CLIP2: variants seen among roughly 807,000 people sequenced by gnomAD.
The protein encoded by CLIP2 is CAP-Gly domain containing linker protein 2.
CLIP2 carries 41 observed loss-of-function variants against 111.7 expected under a neutral mutation model. The ratio of observed to expected loss-of-function variants is 0.37; its 90% confidence interval spans 0.29 to 0.48. CLIP2 has a LOEUF of 0.48. Among genes scored for constraint, CLIP2 ranks in the 20% least tolerant of loss-of-function variants. The pLI, the probability that CLIP2 is intolerant of heterozygous loss-of-function variation, is 0.99. For missense variants in CLIP2, 1,160 were observed against 1,422.1 expected (o/e 0.82, Z 2.96); for synonymous variants, 660 against 644.2 (o/e 1.02, Z -0.37).
At chr7:74,321,935 T>G (rs1554730085) in intron 2 of CLIP2, among the ~76,000 whole-genome samples, 1 of 151,314 alleles carries the variant, frequency 6.6e-6, no homozygotes, top group Non-Finnish European at 1.5e-5. Context: ...CCCAGACAGG[T>G]GTACCCTATT....
At chr7:74,344,106 C>T (rs111830777) in intron 3 of CLIP2, among the ~76,000 whole-genome samples, 122 of 152,222 alleles carry the variant, frequency 8.0e-4, no homozygotes, top group African/African-American at 2.7e-3. Context: ...TAGGTTTAAC[C>T]CTAGTTTGAT....
chr7:74,301,933 G>C (rs999771125), intron 1 of CLIP2, among the ~76,000 whole-genome samples: 2 of 151,446 alleles, frequency 1.3e-5, no homozygotes, highest in South Asian at 4.2e-4. Flanking sequence ...GGCTGGTCTC[G>C]AACTGCTGGC....
At chr7:74,329,327 G>T (rs1554731014) in intron 2 of CLIP2, among the ~76,000 whole-genome samples, 1 of 151,938 alleles carries the variant, frequency 6.6e-6, no homozygotes, top group Non-Finnish European at 1.5e-5. Flanking sequence ...TAACAGACAT[G>T]AGCCACCACA....
chr7:74,376,204 G>A lies in CLIP2; in HGVS notation c.1803G>A (p.Gln601=), dbSNP rs782718848. 1 of 1,612,762 alleles carries A rather than the reference G, an allele frequency of 6.2e-7. No individual in the cohort carries two copies. The highest frequency in any genetic ancestry group is 8.5e-7 in the Non-Finnish European group (1 of 1,179,514). ...CGGGCCTGAAGGACAAGGTTCAGCA[G>A]GCCACCAGCGAGAACATGGGGCTAA... ...EVAGLKDKVQ[Q]ATSENMGLMD... is the part of the protein sequence containing the mutation. The change falls in exon 10 of 17, where the codon CAG becomes CAA. Residue 601 remains glutamine, a synonymous_variant. Transcript: ENST00000223398. The surrounding 1 kb of genome is among the most constrained non-coding windows in gnomAD (Gnocchi z 7.1).
intron 1 of CLIP2, among the ~76,000 whole-genome samples, chr7:74,293,985 C>T (rs1246998312): frequency 1.3e-5 from 2 of 151,638 alleles, no homozygotes; most frequent in African/African-American, 4.8e-5. Flanking sequence ...GGCATGATCT[C>T]AGCTCACCAC....
intron 14 of CLIP2, 129 bp downstream of exon 14, chr7:74,397,362 G>A: frequency 9.6e-7 from 1 of 1,041,910 alleles, no homozygotes; most frequent in Non-Finnish European, 1.4e-6. Flanking sequence ...TCATGGTGAG[G>A]ATTTGAAATC....
intron 2 of CLIP2, among the ~76,000 whole-genome samples, chr7:74,325,196 A>G (rs1789076418): frequency 6.6e-6 from 1 of 152,172 alleles, no homozygotes; most frequent in South Asian, 2.1e-4. Context: ...GAGGGCCTGT[A>G]TCCTCAGAGC....
intron 11 of CLIP2, among the ~76,000 whole-genome samples, chr7:74,381,291 C>T (rs887346618): frequency 2.6e-5 from 4 of 152,074 alleles, no homozygotes; most frequent in Admixed American, 1.3e-4. Context: ...CTGGTTCAAG[C>T]GATTCTCCTG....
intron 2 of CLIP2, among the ~76,000 whole-genome samples, chr7:74,330,635 A>G (rs1789253837): frequency 6.6e-6 from 1 of 151,944 alleles, no homozygotes; most frequent in South Asian, 2.1e-4. Context: ...CCTGTGCTGG[A>G]TGTCGGGATG....
At chr7:74,371,366 T>G (rs1195390409) in intron 8 of CLIP2, among the ~76,000 whole-genome samples, 2 of 150,170 alleles carry the variant, frequency 1.3e-5, no homozygotes, top group African/African-American at 4.9e-5. Flanking sequence ...ACCAGTTCAG[T>G]GTGTAGGATC....
intron 1 of CLIP2, among the ~76,000 whole-genome samples, chr7:74,308,698 T>C (rs1584312806): frequency 6.6e-6 from 1 of 151,886 alleles, no homozygotes; most frequent in East Asian, 1.9e-4. Context: ...AGAGACAGGG[T>C]TTCACCACGT....
chr7:74,307,257 G>A (rs1307394947), intron 1 of CLIP2, among the ~76,000 whole-genome samples: 1 of 152,196 alleles, frequency 6.6e-6, no homozygotes, highest in Admixed American at 6.6e-5. Flanking sequence ...GTCCCCAGAG[G>A]CCAGGGGGCT....
At chr7:74,333,289 T>G (rs1397120900) in intron 2 of CLIP2, among the ~76,000 whole-genome samples, 1 of 151,826 alleles carries the variant, frequency 6.6e-6, no homozygotes, top group Admixed American at 6.6e-5. Flanking sequence ...GCTTAAGCGA[T>G]TCTCCTGCCT....
At position 74,291,236 on chromosome 7, in the gene CLIP2, G is replaced by A. The variant is rs1554725326; in HGVS notation, c.-68+1502G>A. ...AAAGGCAGAAGAGGCAGGTGGAGGCGCCTGGGAGGAGCCTCCTCCACACAC... is the reference window on the plus strand; with the variant it reads ...AAAGGCAGAAGAGGCAGGTGGAGGCACCTGGGAGGAGCCTCCTCCACACAC... On this transcript the variant is annotated intron_variant, in intron 1 of 16. Transcript: ENST00000223398. Among the ~76,000 whole-genome samples, 3 of 152,224 alleles carry A rather than the reference G, an allele frequency of 2.0e-5. No homozygotes were observed. In the East Asian group the frequency reaches 5.8e-4, roughly 29 times the overall value.
intron 1 of CLIP2, among the ~76,000 whole-genome samples, chr7:74,292,372 C>T (rs1379344514): frequency 6.6e-6 from 1 of 152,136 alleles, no homozygotes; most frequent in Non-Finnish European, 1.5e-5. Flanking sequence ...ATATTAAGTG[C>T]TTACTTTGTG....
intron 8 of CLIP2, among the ~76,000 whole-genome samples, chr7:74,368,843 G>T (rs184162130): frequency 6.6e-6 from 1 of 152,230 alleles, no homozygotes; most frequent in East Asian, 1.9e-4. Context: ...TCAACTCACC[G>T]CCAGTCTTAT....
chr7:74,346,592 G>A (rs559347857), intron 3 of CLIP2, among the ~76,000 whole-genome samples: 6 of 152,088 alleles, frequency 3.9e-5, no homozygotes, highest in African/African-American at 1.4e-4. Flanking sequence ...GTGTGGTGGC[G>A]CACGCCTGTA....
chr7:74,319,533 A>C (rs1788885916), intron 2 of CLIP2, among the ~76,000 whole-genome samples: 1 of 151,958 alleles, frequency 6.6e-6, no homozygotes, highest in African/African-American at 2.4e-5. Flanking sequence ...AAAGAAAGAA[A>C]GAGAAGCCAG....
chr7:74,351,088 AGAAGGAAGGGAAGG>A (rs1432485682), intron 3 of CLIP2, among the ~76,000 whole-genome samples: 1 of 25,616 alleles, frequency 3.9e-5, no homozygotes, highest in Non-Finnish European at 1.9e-4. Flanking sequence ...AGAAAGAAAA[AGAAGGAAGGGAAGG>A]GAAGGAAGGG....
Sources: gnomAD v4.1 joint callset for allele counts (sites outside exome capture counted in the v4.1 genomes callset) on GRCh38, gnomAD v4.1.1 for gene constraint, Gnocchi (gnomAD v3.1) non-coding constraint, MANE v1.5 for transcripts, NCBI Gene and HGNC (gene_info 2026-07-23, HGNC 2026-07-21) for gene names.